RBFOX1: variants seen among roughly 807,000 people sequenced by gnomAD.
RBFOX1 encodes the protein RNA binding fox-1 homolog 1.
In RBFOX1, 8 loss-of-function variants were observed where a neutral mutation model predicts 57.7. That is an observed-to-expected ratio of 0.14 (90% CI 0.08 to 0.25). The LOEUF is 0.25. Among genes scored for constraint, RBFOX1 ranks in the 10% least tolerant of loss-of-function variants. RBFOX1 has a pLI of 1.00. For missense variants in RBFOX1, 611 were observed against 548.5 expected, an observed-to-expected ratio of 1.11 and a Z score of -1.14; for synonymous variants, 326 against 222.4, an observed-to-expected ratio of 1.47 and a Z score of -4.15.
chr16:5,618,677 T>A (rs1173470974), intron 3 of RBFOX1, among the ~76,000 whole-genome samples: 1 of 152,180 alleles, frequency 6.6e-6, no homozygotes, highest in Non-Finnish European at 1.5e-5. Context: ...TCAAAAAAAC[T>A]GTTTTAAAAG....
chr16:7,013,767 C>G (rs77356628), intron 3 of RBFOX1, among the ~76,000 whole-genome samples: 47 of 152,082 alleles, frequency 3.1e-4, no homozygotes, highest in Non-Finnish European at 5.7e-4. Flanking sequence ...AAGCAATCCT[C>G]TTATCTTAGC....
At chr16:7,218,408 A>G (rs2092426382) in intron 4 of RBFOX1, among the ~76,000 whole-genome samples, 1 of 152,110 alleles carries the variant, frequency 6.6e-6, no homozygotes, top group Admixed American at 6.5e-5. Flanking sequence ...GTGAAGATAG[A>G]GATGGTGAAA....
chr16:7,590,451 G>A (rs115857623), intron 7 of RBFOX1, among the ~76,000 whole-genome samples: 2,971 of 152,148 alleles, frequency 0.02, 87 homozygotes, highest in African/African-American at 0.068. Flanking sequence ...ATTTAGGGGC[G>A]AATGATCCTG....
At chr16:5,443,294 G>A (rs567140187) in intron 1 of RBFOX1, among the ~76,000 whole-genome samples, 3 of 152,030 alleles carry the variant, frequency 2.0e-5, no homozygotes, top group East Asian at 1.9e-4. Context: ...GGAAATCATC[G>A]GGCAGGGATG....
At chr16:6,645,710 C>G (rs2098528668) in intron 2 of RBFOX1, among the ~76,000 whole-genome samples, 1 of 152,110 alleles carries the variant, frequency 6.6e-6, no homozygotes, top group African/African-American at 2.4e-5. Flanking sequence ...TCAATCAGAA[C>G]CAGGTTTCAC....
intron 3 of RBFOX1, among the ~76,000 whole-genome samples, chr16:6,937,856 G>C (rs1386003902): frequency 3.3e-5 from 5 of 151,618 alleles, no homozygotes; most frequent in Admixed American, 3.3e-4. Context: ...TGAAATGCTG[G>C]CTGGCTTTTC....
At chr16:7,177,705 C>T (rs574088541) in intron 4 of RBFOX1, among the ~76,000 whole-genome samples, 26 of 152,246 alleles carry the variant, frequency 1.7e-4, no homozygotes, top group African/African-American at 5.3e-4. Flanking sequence ...CAGCAAATCT[C>T]TTCTGTGAGG....
At chr16:6,507,423 C>T (rs1402726643) in intron 2 of RBFOX1, among the ~76,000 whole-genome samples, 1 of 138,116 alleles carries the variant, frequency 7.2e-6, no homozygotes, top group Non-Finnish European at 1.5e-5. Context: ...GTAATCCCAA[C>T]ACTTTGTGAG....
At chr16:5,528,584 A>G (rs1054889985) in intron 2 of RBFOX1, among the ~76,000 whole-genome samples, 3 of 118,460 alleles carry the variant, frequency 2.5e-5, no homozygotes, top group African/African-American at 9.9e-5. Context: ...TTCTTGTCCG[A>G]TCCCCAATTC....
At chr16:5,439,088 T>G (rs1482218349) in intron 1 of RBFOX1, among the ~76,000 whole-genome samples, 1 of 151,870 alleles carries the variant, frequency 6.6e-6, no homozygotes, top group Non-Finnish European at 1.5e-5. Flanking sequence ...AGATAACATT[T>G]AAGTAGAGAC....
At chr16:6,541,235 G>C (rs960924733) in intron 2 of RBFOX1, among the ~76,000 whole-genome samples, 1 of 152,198 alleles carries the variant, frequency 6.6e-6, no homozygotes, top group Admixed American at 6.5e-5. Context: ...GAGACAGACT[G>C]TAGTCTCTCC....
intron 4 of RBFOX1, among the ~76,000 whole-genome samples, chr16:7,131,046 T>C (rs2070209112): frequency 6.6e-6 from 1 of 152,122 alleles, no homozygotes; most frequent in Non-Finnish European, 1.5e-5. Context: ...TTTTTAATCA[T>C]AAGAATCATA....
intron 3 of RBFOX1, among the ~76,000 whole-genome samples, chr16:6,961,350 C>G (rs1460569936): frequency 6.6e-6 from 1 of 152,156 alleles, no homozygotes; most frequent in East Asian, 1.9e-4. Context: ...GCGTCCACTC[C>G]AGACCGTGTT....
chr16:5,370,128 G>C (rs77294552), intron 1 of RBFOX1, among the ~76,000 whole-genome samples: 3,690 of 152,220 alleles, frequency 0.024, 77 homozygotes, highest in Non-Finnish European at 0.037. Flanking sequence ...CTGCTCTTGT[G>C]CATGTTCAGT....
At chr16:6,364,672 T>A (rs192536682) in intron 2 of RBFOX1, among the ~76,000 whole-genome samples, 1 of 152,320 alleles carries the variant, frequency 6.6e-6, no homozygotes, top group East Asian at 1.9e-4. Flanking sequence ...TGTGATGTGT[T>A]TTATCTAATA....
chr16:5,955,265 G>A (rs2059603858), intron 4 of RBFOX1, among the ~76,000 whole-genome samples: 1 of 145,138 alleles, frequency 6.9e-6, no homozygotes, highest in Non-Finnish European at 1.5e-5. Flanking sequence ...TGGGTGACAA[G>A]AGTGAGACTC....
chr16:6,903,198 C>T (rs779681318), intron 3 of RBFOX1, among the ~76,000 whole-genome samples: 4 of 152,150 alleles, frequency 2.6e-5, no homozygotes, highest in Admixed American at 6.5e-5. Flanking sequence ...ATACAAAGAT[C>T]TGGGGGCTAG....
At chr16:5,834,705 A>G (rs1597429945) in intron 3 of RBFOX1, among the ~76,000 whole-genome samples, 3 of 125,598 alleles carry the variant, frequency 2.4e-5, no homozygotes, top group Admixed American at 2.3e-4. Flanking sequence ...ATAGATAGAT[A>G]GATAGATAGA....
intron 4 of RBFOX1, among the ~76,000 whole-genome samples, chr16:7,133,617 T>C (rs1489334468): frequency 6.6e-6 from 1 of 152,164 alleles, no homozygotes; most frequent in African/African-American, 2.4e-5. Context: ...TCCATTTTAT[T>C]GGTGGAATGA....
Sources: gnomAD v4.1 joint callset for allele counts (sites outside exome capture counted in the v4.1 genomes callset) on GRCh38, gnomAD v4.1.1 for gene constraint, MANE v1.5 for transcripts, NCBI Gene and HGNC (gene_info 2026-07-23, HGNC 2026-07-21) for gene names.